The following FYN variants were observed in gnomAD, a reference collection of about 807,000 sequenced individuals.
The protein encoded by FYN is tyrosine-protein kinase Fyn.
FYN carries 10 observed loss-of-function variants against 70.2 expected under a neutral mutation model. The observed-to-expected ratio is 0.14, with a 90% confidence interval of 0.09 to 0.24. The LOEUF (loss-of-function observed/expected upper bound fraction) is 0.24. Ranked by LOEUF, FYN falls within the 10% of genes least tolerant of loss-of-function variation. The pLI is 1.00. For missense variants in FYN, 319 were observed against 673.1 expected (o/e 0.47, Z 5.82); for synonymous variants, 236 against 248.6 (o/e 0.95, Z 0.48).
At chr6:111,787,416 T>A (rs566636464) in intron 2 of FYN, among the ~76,000 whole-genome samples, 5 of 152,234 alleles carry the variant, frequency 3.3e-5, no homozygotes, top group Non-Finnish European at 5.9e-5. Flanking sequence ...TTGTGTTCCA[T>A]TGGTCTATAT....
chr6:111,801,288 G>A (rs1299387982), intron 2 of FYN, among the ~76,000 whole-genome samples: 1 of 152,104 alleles, frequency 6.6e-6, no homozygotes, highest in Non-Finnish European at 1.5e-5. Flanking sequence ...CAGGTTTAAG[G>A]GGGTACTGAA....
intron 13 of FYN, among the ~76,000 whole-genome samples, chr6:111,667,829 A>T (rs1798078260): frequency 6.6e-6 from 1 of 152,244 alleles, no homozygotes; most frequent in Non-Finnish European, 1.5e-5. Flanking sequence ...ATATCTGTAC[A>T]ATCAGGGATT....
At position 111,720,826 on chromosome 6, in the gene FYN, G is replaced by A. The variant is rs73540108; in HGVS notation, c.-11-764C>T. On this transcript the variant is annotated intron_variant, in intron 3 of 13. Coordinates refer to ENST00000354650, the MANE Select transcript of FYN (RefSeq NM_002037.5). ...ATTCCCATGTTACAGAGTTAGTGGC[G>A]GATTAAAAACTCGAGTTGTTGCCAC... is the stretch of plus-strand genomic sequence containing the variant. Among the ~76,000 whole-genome samples the A allele has an allele frequency of 1.8e-3, 274 of 152,018 alleles. 2 individuals are homozygous for A. Among genetic ancestry groups the A allele is most frequent in the African/African-American group, 6.2e-3 (259 of 41,462 alleles).
intron 13 of FYN, among the ~76,000 whole-genome samples, chr6:111,665,995 C>CTTTTTTT (rs991104460): frequency 6.7e-5 from 6 of 89,078 alleles, no homozygotes; most frequent in Admixed American, 4.1e-4. Flanking sequence ...CCTTTTTCTC[C>CTTTTTTT]TTTTTTTTTT....
chr6:111,740,663 T>C (rs1455777247), intron 3 of FYN, among the ~76,000 whole-genome samples: 3 of 152,220 alleles, frequency 2.0e-5, no homozygotes, highest in Non-Finnish European at 2.9e-5. Flanking sequence ...CCCCATCTTC[T>C]GTGGTTCCCT....
chr6:111,759,539 C>G (rs573890536), intron 3 of FYN, among the ~76,000 whole-genome samples: 2 of 152,212 alleles, frequency 1.3e-5, no homozygotes, highest in Non-Finnish European at 2.9e-5. Context: ...CTGCTCACTC[C>G]CAGGCACCCA....
chr6:111,798,396 C>A (rs1771886836), intron 2 of FYN: 1 of 152,204 alleles, frequency 6.6e-6, no homozygotes, highest in Non-Finnish European at 1.5e-5. Context: ...TGGCCAAGGG[C>A]AGTCCCCAGG....
intron 3 of FYN, among the ~76,000 whole-genome samples, chr6:111,746,228 T>G (rs1346661575): frequency 6.6e-6 from 1 of 152,212 alleles, no homozygotes; most frequent in African/African-American, 2.4e-5. Context: ...AAGTTTACAG[T>G]TCAATGAGTT....
intron 5 of FYN, among the ~76,000 whole-genome samples, chr6:111,709,243 G>GA (rs551799988): frequency 1.8e-4 from 27 of 149,150 alleles, no homozygotes; most frequent in Admixed American, 3.3e-4. Context: ...TCAGCCAGGG[G>GA]AAAAAAAAAA....
At chr6:111,698,188 C>T (rs1364430074) in intron 9 of FYN, among the ~76,000 whole-genome samples, 1 of 151,994 alleles carries the variant, frequency 6.6e-6, no homozygotes, top group Admixed American at 6.6e-5. Flanking sequence ...TGCAATGGTG[C>T]AATGGTGCGA....
At chr6:111,867,127 A>T (rs1774130060) in intron 1 of FYN, among the ~76,000 whole-genome samples, 1 of 152,148 alleles carries the variant, frequency 6.6e-6, no homozygotes, top group South Asian at 2.1e-4. Context: ...GACCTCACCC[A>T]CATCCATGGC....
intron 1 of FYN, among the ~76,000 whole-genome samples, chr6:111,865,333 T>C (rs768304192): frequency 1.3e-5 from 2 of 152,202 alleles, no homozygotes; most frequent in Non-Finnish European, 2.9e-5. Context: ...CAGCAGGCTG[T>C]TCTGGAAGCA....
At chr6:111,864,843 A>G (rs1774061869) in intron 1 of FYN, among the ~76,000 whole-genome samples, 1 of 152,188 alleles carries the variant, frequency 6.6e-6, no homozygotes, top group East Asian at 1.9e-4. Flanking sequence ...TGTGACCATG[A>G]GCCATTTGCC....
chr6:111,868,146 C>T (rs894608373), intron 1 of FYN, among the ~76,000 whole-genome samples: 3 of 151,966 alleles, frequency 2.0e-5, no homozygotes, highest in Admixed American at 1.3e-4. Flanking sequence ...CAGGTTCATG[C>T]TCCATTCTGC....
chr6:111,764,947 G>A (rs557699644), intron 3 of FYN, among the ~76,000 whole-genome samples: 3 of 152,044 alleles, frequency 2.0e-5, no homozygotes, highest in African/African-American at 7.2e-5. Flanking sequence ...TGATGGAACC[G>A]CTGGGTGAGA....
At chr6:111,843,684 C>T (rs919569892) in intron 2 of FYN, among the ~76,000 whole-genome samples, 3 of 152,154 alleles carry the variant, frequency 2.0e-5, no homozygotes, top group South Asian at 4.1e-4. Flanking sequence ...ATGGTTTCCA[C>T]TCATTCATGC....
At chr6:111,699,650 A>G in intron 9 of FYN, 1 of 1,613,834 alleles carries the variant, frequency 6.2e-7, no homozygotes, top group Non-Finnish European at 8.5e-7. Context: ...GTTAAGTTAA[A>G]ACACAAACCA....
At chr6:111,871,854 C>A (rs1774283822) in intron 1 of FYN, among the ~76,000 whole-genome samples, 1 of 152,242 alleles carries the variant, frequency 6.6e-6, no homozygotes, top group South Asian at 2.1e-4. Flanking sequence ...CCAGTCAACA[C>A]TACCGGTCTC....
At position 111,809,863 on chromosome 6, in the gene FYN, T is replaced by C. The variant is rs114395829; in HGVS notation, c.-81-29228A>G. Among the ~76,000 whole-genome samples the C allele has an allele frequency of 3.6e-3, 555 of 152,320 alleles. 5 individuals carry two copies. Among genetic ancestry groups the C allele is most frequent in the African/African-American group, 0.013 (540 of 41,580 alleles). ...TATTTTCCCTTAAAAAGGTGGCACA[T>C]AGATATAGCAAAAATCATTAAGGTA... On this transcript the variant is annotated intron_variant, in intron 2 of 13. Coordinates refer to ENST00000354650, the MANE Select transcript of FYN (RefSeq NM_002037.5).
Sources: allele counts gnomAD v4.1 joint callset (sites outside exome capture counted in the v4.1 genomes callset), GRCh38; gene constraint gnomAD v4.1.1; transcripts MANE v1.5; gene names NCBI Gene and HGNC (gene_info 2026-07-23, HGNC 2026-07-21).